Variants in RHEX observed in about 807,000 individuals in gnomAD.
RHEX encodes regulator of hemoglobinization and erythroid cell expansion protein.
In RHEX, 18 loss-of-function variants were observed where a neutral mutation model predicts 20.1. That is an observed-to-expected ratio of 0.90 (90% confidence interval 0.62 to 1.33). RHEX has a LOEUF of 1.33. Among genes scored for constraint, RHEX ranks in the 40% most tolerant of loss-of-function variants. RHEX has a pLI of 0.00. For missense variants in RHEX, 192 were observed against 214.3 expected (o/e 0.90, Z 0.65); for synonymous variants, 87 against 77.1 (o/e 1.13, Z -0.67).
chr1:206,058,507 G>A (rs1053360369), intron 1 of RHEX, among the ~76,000 whole-genome samples: 1 of 152,280 alleles, frequency 6.6e-6, no homozygotes, highest in African/African-American at 2.4e-5. Context: ...AAAACAACAA[G>A]GAAGTAGAAC....
chr1:206,094,169 G>GGTGTGTGTGTGTGTGTGTGTGT (rs66885504), intron 1 of RHEX, among the ~76,000 whole-genome samples: 11 of 148,682 alleles, frequency 7.4e-5, no homozygotes, highest in African/African-American at 2.7e-4. Flanking sequence ...CTGGTTATTT[G>GGTGTGTGTGTGTGTGTGTGTGT]GTGTGTGTGT....
chr1:206,100,452 T>C (rs1299370694), intron 4 of RHEX, among the ~76,000 whole-genome samples: 4 of 152,244 alleles, frequency 2.6e-5, no homozygotes, highest in African/African-American at 9.6e-5. Flanking sequence ...ATTTGCTCTG[T>C]CCTGATTTTA....
chr1:206,073,077 A>G (rs1553284844), intron 1 of RHEX, among the ~76,000 whole-genome samples: 1 of 152,038 alleles, frequency 6.6e-6, no homozygotes, highest in East Asian at 1.9e-4. Context: ...GATTCAAGCA[A>G]TCCACCTACC....
intron 1 of RHEX, among the ~76,000 whole-genome samples, chr1:206,077,699 G>A (rs188073882): frequency 3.2e-4 from 49 of 152,336 alleles, no homozygotes; most frequent in Non-Finnish European, 5.3e-4. Context: ...GGGAACTCAA[G>A]GCTACAACAT....
intron 1 of RHEX, chr1:206,083,423 G>A: frequency 1.2e-6 from 1 of 838,516 alleles, no homozygotes; most frequent in Non-Finnish European, 1.4e-6. Context: ...ATGGCCAAAA[G>A]AGACAGGAGG....
intron 1 of RHEX, among the ~76,000 whole-genome samples, chr1:206,065,535 T>C (rs1201435652): frequency 1.3e-5 from 2 of 152,122 alleles, no homozygotes; most frequent in African/African-American, 4.8e-5. Context: ...GGGAGGTTGG[T>C]CAAGTACTAA....
At chr1:206,053,611 A>G (rs1214800792) in intron 1 of RHEX, among the ~76,000 whole-genome samples, 1 of 152,238 alleles carries the variant, frequency 6.6e-6, no homozygotes, top group Non-Finnish European at 1.5e-5. Context: ...AAATTCAAGA[A>G]AGAATTTAAG....
At chr1:206,058,930 A>G (rs1553282970) in intron 1 of RHEX, among the ~76,000 whole-genome samples, 1 of 152,064 alleles carries the variant, frequency 6.6e-6, no homozygotes, top group East Asian at 1.9e-4. Flanking sequence ...TTTAAATCTC[A>G]AGCACTTTCA....
rs137962014 is a variant in RHEX, at chr1:206,086,399, T to C, written c.-96-11334T>C. 3.8e-3 allele frequency among the ~76,000 whole-genome samples: 582 copies of C among 152,238 alleles called. 6 individuals carry two copies. Among genetic ancestry groups the C allele is most frequent in the African/African-American group, 0.013 (538 of 41,530 alleles). On this transcript the variant is annotated intron_variant, in intron 1 of 5. Coordinates refer to ENST00000331555, the MANE Select transcript of RHEX (RefSeq NM_001007544.4). Reference sequence around the variant, plus strand: ...GGTCTCACTATGTTGTCCAGGCTTGTCTCAAGCTCCTGAGCTCAAGCCAAC... The same window carrying C: ...GGTCTCACTATGTTGTCCAGGCTTGCCTCAAGCTCCTGAGCTCAAGCCAAC...
chr1:206,060,616 G>C (rs996872996), intron 1 of RHEX: 4 of 152,616 alleles, frequency 2.6e-5, no homozygotes, highest in Non-Finnish European at 4.4e-5. Context: ...AAGCCTGGAA[G>C]TGGGAGAGCT....
chr1:206,067,383 G>C lies in RHEX; in HGVS notation c.-97+14118G>C, dbSNP rs1429483201. ...AGTTCTTCCTAGCTCTGAGCTCAAA[G>C]TTTCCCAAAGGGTATTTTTCTAGTT... On this transcript the variant is annotated intron_variant, in intron 1 of 5. Coordinates refer to ENST00000331555, the MANE Select transcript of RHEX (RefSeq NM_001007544.4). This position sits in a 1 kb window ranked among gnomAD's most constrained non-coding sequence, Gnocchi z 4.6. Among the ~76,000 whole-genome samples, 3 of 152,164 alleles carry C rather than the reference G, an allele frequency of 2.0e-5. No homozygotes were observed. Among genetic ancestry groups the C allele is most frequent in the Admixed American group, 2.0e-4 (3 of 15,284 alleles).
chr1:206,080,969 A>AT (rs1359756429), intron 1 of RHEX, among the ~76,000 whole-genome samples: 1 of 150,228 alleles, frequency 6.7e-6, no homozygotes. Context: ...CATCCAGCTA[A>AT]TTTTTTTGTA....
At chr1:206,068,974 G>A (rs536596342) in intron 1 of RHEX, among the ~76,000 whole-genome samples, 1 of 152,350 alleles carries the variant, frequency 6.6e-6, no homozygotes, top group South Asian at 2.1e-4. Flanking sequence ...CAGAAAGGGT[G>A]CAGAGTAGCC....
intron 1 of RHEX, among the ~76,000 whole-genome samples, chr1:206,071,546 C>CAAAAAA (rs35408708): frequency 1.0e-5 from 1 of 95,894 alleles, no homozygotes; most frequent in Non-Finnish European, 2.3e-5. Context: ...GTTGAAAATG[C>CAAAAAA]AAAAAAAAAA....
At chr1:206,055,139 A>G (rs965625104) in intron 1 of RHEX, among the ~76,000 whole-genome samples, 6 of 152,250 alleles carry the variant, frequency 3.9e-5, no homozygotes, top group Non-Finnish European at 8.8e-5. Flanking sequence ...TACAGCTTGG[A>G]GTAATAAGTC....
chr1:206,055,156 A>G (rs28801417), intron 1 of RHEX, among the ~76,000 whole-genome samples: 6,553 of 152,294 alleles, frequency 0.043, 511 homozygotes, highest in African/African-American at 0.15. Context: ...AGTCATGCCA[A>G]GCTCTCTCTG....
At chr1:206,093,425 C>T (rs1662998257) in intron 1 of RHEX, among the ~76,000 whole-genome samples, 1 of 152,086 alleles carries the variant, frequency 6.6e-6, no homozygotes, top group South Asian at 2.1e-4. Context: ...TGCCTGCCAC[C>T]ATGCCCGGCT....
At chr1:206,064,395 G>T (rs1448280389) in intron 1 of RHEX, among the ~76,000 whole-genome samples, 8 of 129,786 alleles carry the variant, frequency 6.2e-5, no homozygotes, top group African/African-American at 2.6e-4. Flanking sequence ...AGGTGGGGGG[G>T]TCAGCCCCCC....
intron 1 of RHEX, among the ~76,000 whole-genome samples, chr1:206,058,830 C>T (rs1017930871): frequency 5.9e-5 from 9 of 152,262 alleles, no homozygotes; most frequent in South Asian, 2.1e-4. Flanking sequence ...AGGCAGTAGC[C>T]TGCTGATGCT....
Sources: gnomAD v4.1 joint callset for allele counts (sites outside exome capture counted in the v4.1 genomes callset) on GRCh38, gnomAD v4.1.1 for gene constraint, Gnocchi (gnomAD v3.1) non-coding constraint, MANE v1.5 for transcripts, NCBI Gene and HGNC (gene_info 2026-07-23, HGNC 2026-07-21) for gene names.